FAM81B: variants seen among roughly 807,000 people sequenced by gnomAD.
FAM81B encodes family with sequence similarity 81 member B, also known as protein FAM81B.
In FAM81B, 60 loss-of-function variants were observed where a neutral mutation model predicts 58.7. The observed-to-expected ratio is 1.02, with a 90% confidence interval of 0.83 to 1.27. FAM81B has a LOEUF of 1.27. Ranked by LOEUF, FAM81B falls within the 50% of genes most tolerant of loss-of-function variation. The probability of loss-of-function intolerance (pLI) is 0.00; values close to 1 mark genes in which losing one functional copy is unlikely to be tolerated. For missense variants in FAM81B, 491 were observed against 522.0 expected (o/e 0.94, Z 0.58); for synonymous variants, 189 against 179.6 (o/e 1.05, Z -0.42).
At chr5:95,449,663 GTGACTAGACA>G (rs1745721618) in intron 9 of FAM81B, among the ~76,000 whole-genome samples, 2 of 152,196 alleles carry the variant, frequency 1.3e-5, no homozygotes, top group Admixed American at 6.5e-5. Context: ...GTGGTCAGGA[GTGACTAGACA>G]TGCATAAGAG....
chr5:95,432,207 A>G (rs1431276515), intron 6 of FAM81B, among the ~76,000 whole-genome samples: 1 of 152,084 alleles, frequency 6.6e-6, no homozygotes, highest in Non-Finnish European at 1.5e-5. Flanking sequence ...ATTATTTCCT[A>G]TTATTAAACC....
intron 7 of FAM81B, 41 bp from the exon 8 acceptor site, chr5:95,446,521 A>T (rs2152770953): frequency 6.7e-7 from 1 of 1,493,714 alleles, no homozygotes; most frequent in South Asian, 1.3e-5. Context: ...TTTATGTTTA[A>T]ATTAACTTAT....
intron 5 of FAM81B, among the ~76,000 whole-genome samples, chr5:95,427,058 A>G (rs1262871400): frequency 7.9e-6 from 1 of 127,342 alleles, no homozygotes; most frequent in Non-Finnish European, 1.5e-5. Flanking sequence ...CAAAAAAAAG[A>G]AAAGAAGCTT....
intron 7 of FAM81B, among the ~76,000 whole-genome samples, chr5:95,441,386 T>C (rs987000171): frequency 2.6e-5 from 4 of 151,896 alleles, no homozygotes; most frequent in Admixed American, 1.3e-4. Context: ...CTGGCCAGCA[T>C]AGTGAAACCC....
chr5:95,414,248 T>C lies in FAM81B; in HGVS notation c.537+58T>C. ...TTTGTATTTTGGCAGCATTGCTTGA[T>C]AAAGATTATCAACCATCAGTGTCAT... On this transcript the variant is annotated intron_variant, in intron 4 of 9. Coordinates refer to ENST00000283357, the MANE Select transcript of FAM81B (RefSeq NM_152548.3). 2.9e-5 allele frequency: 45 copies of C among 1,533,006 alleles called. 2 individuals are homozygous for C. The highest frequency in any genetic ancestry group is 3.6e-5 in the Non-Finnish European group (41 of 1,133,086). 95.0% of individuals were successfully genotyped at this position (1,533,006 alleles called of 1,614,324 possible).
intron 7 of FAM81B, among the ~76,000 whole-genome samples, chr5:95,437,188 A>G (rs1284300752): frequency 1.3e-5 from 2 of 152,100 alleles, no homozygotes; most frequent in Admixed American, 6.5e-5. Context: ...CTTATTATCA[A>G]TTGCATATTA....
chr5:95,393,623 G>A (rs879854277), intron 2 of FAM81B, among the ~76,000 whole-genome samples: 3 of 152,124 alleles, frequency 2.0e-5, no homozygotes, highest in Non-Finnish European at 4.4e-5. Flanking sequence ...GGCAAGTCCC[G>A]TACTTCTCTG....
At chr5:95,392,976 T>A in intron 2 of FAM81B, 79 bp downstream of exon 2, 1 of 1,254,108 alleles carries the variant, frequency 8.0e-7, no homozygotes, top group Non-Finnish European at 1.1e-6. Context: ...TTAGAGAGTT[T>A]AAGAAGTTCT....
At chr5:95,439,262 A>ATATATATATATG (rs1554046256) in intron 7 of FAM81B, among the ~76,000 whole-genome samples, 1 of 144,404 alleles carries the variant, frequency 6.9e-6, no homozygotes, top group Non-Finnish European at 1.5e-5. Context: ...ATATATATAT[A>ATATATATATATG]TATGTATATT....
intron 3 of FAM81B, among the ~76,000 whole-genome samples, chr5:95,405,789 C>T (rs1762229319): frequency 6.6e-6 from 1 of 152,196 alleles, no homozygotes; most frequent in Non-Finnish European, 1.5e-5. Flanking sequence ...AAACCACTCC[C>T]TATTCCACAA....
At chr5:95,423,233 A>G (rs1762733821) in intron 5 of FAM81B, among the ~76,000 whole-genome samples, 1 of 152,176 alleles carries the variant, frequency 6.6e-6, no homozygotes, top group Non-Finnish European at 1.5e-5. Context: ...TGAGATTTGA[A>G]TTTTACACTT....
chr5:95,415,922 G>A lies in FAM81B; in HGVS notation c.537+1732G>A, dbSNP rs370057700. 3.9e-5 allele frequency among the ~76,000 whole-genome samples: 6 copies of A among 152,204 alleles called. 1 individual carries two copies. Among genetic ancestry groups the A allele is most frequent in the African/African-American group, 1.4e-4 (6 of 41,546 alleles). On this transcript the variant is annotated intron_variant, in intron 4 of 9. Transcript: ENST00000283357. ...TTTCTTTCAAATCTCTAGAAATCTT[G>A]TAAACAGTTTATTTTTCTGTAATAA...
chr5:95,436,822 T>C lies in FAM81B; in HGVS notation c.809T>C (p.Ile270Thr), dbSNP rs759418171. The C allele has an allele frequency of 3.7e-6, 6 of 1,613,664 alleles. No individual in the cohort carries two copies. Among genetic ancestry groups the C allele is most frequent in the African/African-American group, 1.3e-5 (1 of 74,932 alleles). ...DMKVMQLLGK[I>T]ETASSEQTSN... ...TAGGTGATGCAGCTCTTAGGAAAGATAGAAACTGCCAGTTCTGAGCAAACC... is the reference window on the plus strand; with the variant it reads ...TAGGTGATGCAGCTCTTAGGAAAGACAGAAACTGCCAGTTCTGAGCAAACC... The change falls in exon 7 of 10, where the codon ATA (isoleucine) becomes ACA (threonine). Residue 270 changes from isoleucine (I) to threonine (T), a missense_variant. Coordinates refer to ENST00000283357, the MANE Select transcript of FAM81B (RefSeq NM_152548.3).
chr5:95,446,048 C>A (rs1446807400), intron 7 of FAM81B, among the ~76,000 whole-genome samples: 1 of 152,192 alleles, frequency 6.6e-6, no homozygotes, highest in Non-Finnish European at 1.5e-5. Flanking sequence ...TAACCGTACT[C>A]ATTTCTTTAC....
intron 3 of FAM81B, among the ~76,000 whole-genome samples, chr5:95,409,263 A>C (rs1429975706): frequency 6.6e-6 from 1 of 151,986 alleles, no homozygotes; most frequent in African/African-American, 2.4e-5. Flanking sequence ...GGTTCAAGTG[A>C]TTCTTGTGCC....
At chr5:95,392,928 T>C (rs974785939) in intron 2 of FAM81B, 31 bp downstream of exon 2, 3 of 1,529,208 alleles carry the variant, frequency 2.0e-6, no homozygotes, top group African/African-American at 1.4e-5. Flanking sequence ...ACATTAAAAG[T>C]AGAATACTTT....
chr5:95,410,225 CA>C, intron 3 of FAM81B, among the ~76,000 whole-genome samples: 1 of 152,166 alleles, frequency 6.6e-6, no homozygotes, highest in Non-Finnish European at 1.5e-5. Flanking sequence ...GGTGGAACAA[CA>C]ACCTTGAGAC....
intron 3 of FAM81B, among the ~76,000 whole-genome samples, chr5:95,407,018 G>A (rs150720782): frequency 6.6e-6 from 1 of 152,182 alleles, no homozygotes; most frequent in African/African-American, 2.4e-5. Context: ...GAGCCAAGTA[G>A]AGGTGTGCTG....
intron 9 of FAM81B, chr5:95,448,689 G>A (rs978489182): frequency 3.9e-6 from 2 of 511,960 alleles, no homozygotes; most frequent in South Asian, 1.8e-5. Context: ...TGCCATTGGT[G>A]TGAATTTTTT....
Sources: allele counts gnomAD v4.1 joint callset (sites outside exome capture counted in the v4.1 genomes callset), GRCh38; gene constraint gnomAD v4.1.1; transcripts MANE v1.5; gene names NCBI Gene and HGNC (gene_info 2026-07-23, HGNC 2026-07-21).